Variants in STK26 observed in about 807,000 individuals in gnomAD.
The protein encoded by STK26 is serine/threonine-protein kinase 26.
STK26 carries 14 observed loss-of-function variants against 34.7 expected under a neutral mutation model. The observed-to-expected ratio is 0.40, with a 90% CI of 0.27 to 0.63. The LOEUF (loss-of-function observed/expected upper bound fraction) is 0.63. Ranked by LOEUF, STK26 falls within the 30% of genes least tolerant of loss-of-function variation. STK26 has a pLI of 0.38. For missense variants in STK26, 226 were observed against 309.1 expected (o/e 0.73, Z 2.02); for synonymous variants, 100 against 109.8 (o/e 0.91, Z 0.56).
chrX:132,071,182 C>T lies in STK26; in HGVS notation c.897C>T (p.His299=). The part of the protein sequence containing the change: ...DRFKRWKAEG[H]SDDESDSEGS... ...TTAAGAGATGGAAGGCAGAAGGACA[C>T]AGTGATGATGAATCTGATTCCGAGG... The change falls in exon 8 of 12, where the codon CAC becomes CAT. Residue 299 remains histidine (H), a synonymous_variant. Coordinates refer to ENST00000394334, the MANE Select transcript of STK26 (RefSeq NM_016542.4). 8.3e-7 allele frequency: 1 copy of T among 1,210,542 alleles called. No homozygotes were observed. Among genetic ancestry groups the T allele is most frequent in the Non-Finnish European group, 1.1e-6 (1 of 894,641 alleles).
intron 2 of STK26, among the ~76,000 whole-genome samples, chrX:132,023,975 G>A (rs1188664213): frequency 1.8e-5 from 2 of 111,518 alleles, no homozygotes; most frequent in South Asian, 3.8e-4. Context: ...GGGATGGGGG[G>A]GCGGAACTTA....
chrX:132,041,208 G>C (rs1219203460), intron 2 of STK26, among the ~76,000 whole-genome samples: 1 of 111,374 alleles, frequency 9.0e-6, no homozygotes, highest in African/African-American at 3.3e-5. Flanking sequence ...AAATTCCAAG[G>C]AAAGATGAGT....
intron 2 of STK26, among the ~76,000 whole-genome samples, chrX:132,031,633 C>A (rs1441879488): frequency 8.9e-6 from 1 of 112,011 alleles, no homozygotes; most frequent in Non-Finnish European, 1.9e-5. Flanking sequence ...GGATCTCATC[C>A]CTTTTTACAG....
chrX:132,030,088 CTAATT>C (rs1477357915), intron 2 of STK26, among the ~76,000 whole-genome samples: 1 of 111,781 alleles, frequency 8.9e-6, no homozygotes, highest in African/African-American at 3.3e-5. Flanking sequence ...ACCTTAAAGA[CTAATT>C]TATATGTGTA....
intron 2 of STK26, among the ~76,000 whole-genome samples, chrX:132,045,498 C>A (rs766933621): frequency 2.7e-5 from 3 of 111,831 alleles, no homozygotes; most frequent in South Asian, 3.7e-4. Context: ...ATGGTGAAAT[C>A]GACATTAAGT....
At chrX:132,023,909 G>T (rs966341920) in intron 2 of STK26, among the ~76,000 whole-genome samples, 15 of 112,034 alleles carry the variant, frequency 1.3e-4, no homozygotes, top group Admixed American at 9.3e-5. Flanking sequence ...GCGGTTGGGG[G>T]TATAAAAATA....
At chrX:132,033,875 A>G (rs1008981793) in intron 2 of STK26, among the ~76,000 whole-genome samples, 1 of 110,518 alleles carries the variant, frequency 9.0e-6, no homozygotes, top group Non-Finnish European at 1.9e-5. Context: ...GTAGTAATGA[A>G]TCCCAAATGA....
rs185673243 is a variant in STK26, at chrX:132,061,580, C to G, written c.274-1853C>G. ...GAGGAAGTGGTAGGGGAATATTGTT[C>G]CTCCCTTTCTCTTACAAATTCTACA... is the stretch of plus-strand genomic sequence containing the variant. On this transcript the variant is annotated intron_variant, in intron 3 of 11. Transcript: ENST00000394334. Among the ~76,000 whole-genome samples, 658 of 111,628 alleles carry G rather than the reference C, an allele frequency of 5.9e-3. 4 individuals carry two copies. The highest frequency in any genetic ancestry group is 0.02 in the African/African-American group (622 of 30,706).
intron 8 of STK26, 36 bp downstream of exon 8, chrX:132,071,253 C>T: frequency 8.5e-7 from 1 of 1,176,787 alleles, no homozygotes; most frequent in Non-Finnish European, 1.2e-6. Context: ...TGTAGGCAGC[C>T]TATTTAAATA....
intron 7 of STK26, among the ~76,000 whole-genome samples, chrX:132,070,834 C>T (rs1927390494): frequency 8.8e-6 from 1 of 113,077 alleles, no homozygotes. Context: ...AAGCCACCTG[C>T]TGCCCGTTGG....
At chrX:132,058,913 G>T in intron 3 of STK26, among the ~76,000 whole-genome samples, 1 of 108,134 alleles carries the variant, frequency 9.2e-6, no homozygotes, top group Non-Finnish European at 1.9e-5. Flanking sequence ...AAATCTGTGT[G>T]TATATACATA....
chrX:132,069,231 G>A, intron 6 of STK26, among the ~76,000 whole-genome samples: 1 of 106,401 alleles, frequency 9.4e-6, no homozygotes, highest in East Asian at 2.9e-4. Flanking sequence ...TCCATTCCGA[G>A]AAGGGTACCT....
At chrX:132,057,164 CA>C (rs1167632734) in intron 3 of STK26, among the ~76,000 whole-genome samples, 1 of 112,134 alleles carries the variant, frequency 8.9e-6, no homozygotes, top group Non-Finnish European at 1.9e-5. Context: ...TCTGGAGCTG[CA>C]TCAGTTTTCA....
chrX:132,037,805 C>A (rs5975313), intron 2 of STK26, among the ~76,000 whole-genome samples: 3,963 of 65,577 alleles, frequency 0.06, 141 homozygotes, highest in Middle Eastern at 0.13. Flanking sequence ...CTATTTATCT[C>A]TTCATGAAAA....
In STK26 at chrX:132,023,594, C is replaced by T; in HGVS notation, c.-24C>T. ...ACCCAAGGCGCCACCGCCGCAGAAG[C>T]GGAGCGAGGCAGCATTCGCCTCCAT... On this transcript the variant is annotated 5_prime_UTR_variant, in exon 2 of 12. Coordinates refer to ENST00000394334, the MANE Select transcript of STK26 (RefSeq NM_016542.4). 1 of 1,169,567 alleles carries T rather than the reference C, an allele frequency of 8.6e-7. No homozygotes were observed. The highest frequency in any genetic ancestry group is 3.2e-5 in the East Asian group (1 of 31,044).
At chrX:132,035,451 AT>A (rs1395129251) in intron 2 of STK26, among the ~76,000 whole-genome samples, 1 of 110,475 alleles carries the variant, frequency 9.1e-6, no homozygotes, top group Non-Finnish European at 1.9e-5. Flanking sequence ...TATTATAATA[AT>A]TTTTACAATA....
intron 3 of STK26, among the ~76,000 whole-genome samples, chrX:132,062,560 T>G: frequency 8.9e-6 from 1 of 111,826 alleles, no homozygotes. Context: ...CTAGGTTCCG[T>G]GTGTGCCAAA....
At chrX:132,069,705 T>G (rs1927351439) in intron 7 of STK26, 42 bp downstream of exon 7, 1 of 887,330 alleles carries the variant, frequency 1.1e-6, no homozygotes, top group African/African-American at 2.1e-5. Flanking sequence ...TTTCTATTAT[T>G]AGATCTACTT....
At chrX:132,041,336 TAA>T (rs1370138437) in intron 2 of STK26, among the ~76,000 whole-genome samples, 2 of 111,253 alleles carry the variant, frequency 1.8e-5, no homozygotes, top group Non-Finnish European at 3.8e-5. Context: ...AGGCAAGAAA[TAA>T]CAAAGGGAAT....
Sources: allele counts gnomAD v4.1 joint callset (sites outside exome capture counted in the v4.1 genomes callset), GRCh38; gene constraint gnomAD v4.1.1; transcripts MANE v1.5; gene names NCBI Gene and HGNC (gene_info 2026-07-23, HGNC 2026-07-21).